The following LRRTM4 variants were observed in gnomAD, a reference collection of about 807,000 sequenced individuals.
The protein encoded by LRRTM4 is leucine rich repeat transmembrane neuronal 4, also known as leucine-rich repeat transmembrane neuronal protein 4.
LRRTM4 carries 25 observed loss-of-function variants against 47.6 expected under a neutral mutation model. That is an observed-to-expected ratio of 0.53 (90% CI 0.38 to 0.73). LRRTM4 has a LOEUF of 0.73. LRRTM4 is among the 30% of genes least tolerant of loss of function. The pLI is 0.00. For missense variants in LRRTM4, 638 were observed against 713.4 expected (o/e 0.89, Z 1.20); for synonymous variants, 311 against 269.5 (o/e 1.15, Z -1.51).
chr2:77,289,737 C>T (rs1392915223), intron 3 of LRRTM4, among the ~76,000 whole-genome samples: 1 of 151,874 alleles, frequency 6.6e-6, no homozygotes, highest in Non-Finnish European at 1.5e-5. Context: ...AAGATTTTTG[C>T]CAATTTAATT....
At position 77,400,463 on chromosome 2, in the gene LRRTM4, C is replaced by T. The variant is rs1481534414; in HGVS notation, c.1551+117855G>A. 2.6e-5 allele frequency among the ~76,000 whole-genome samples: 4 copies of T among 151,802 alleles called. No homozygotes were observed. In the East Asian group the frequency reaches 7.8e-4, roughly 29 times the overall value. Reference sequence around the variant, plus strand: ...AAAACCTTCTACCACCTCTATAACACGGTCTGAGTTCAATACCCAAAGTAT... The same window carrying T: ...AAAACCTTCTACCACCTCTATAACATGGTCTGAGTTCAATACCCAAAGTAT... On this transcript the variant is annotated intron_variant, in intron 3 of 3. Transcript: ENST00000409884.
intron 3 of LRRTM4, among the ~76,000 whole-genome samples, chr2:76,956,334 T>G (rs60837510): frequency 6.6e-6 from 1 of 151,582 alleles, no homozygotes; most frequent in African/African-American, 2.4e-5. Flanking sequence ...TAAACACATT[T>G]GGATAACTAA....
intron 3 of LRRTM4, among the ~76,000 whole-genome samples, chr2:77,368,092 T>C (rs1672526434): frequency 6.6e-6 from 1 of 151,786 alleles, no homozygotes; most frequent in African/African-American, 2.4e-5. Flanking sequence ...ATTTGCCTTC[T>C]AATCTGTATG....
chr2:76,761,688 T>C (rs1673260160), intron 3 of LRRTM4, among the ~76,000 whole-genome samples: 1 of 152,202 alleles, frequency 6.6e-6, no homozygotes, highest in African/African-American at 2.4e-5. Flanking sequence ...TTTTATCTAC[T>C]TAAAAGCTAA....
chr2:76,839,090 C>T (rs1394071701), intron 3 of LRRTM4, among the ~76,000 whole-genome samples: 1 of 152,030 alleles, frequency 6.6e-6, no homozygotes. Flanking sequence ...GTTTTTGTAG[C>T]ATTTCTCCCA....
intron 3 of LRRTM4, among the ~76,000 whole-genome samples, chr2:76,879,619 C>A (rs1672872771): frequency 6.6e-6 from 1 of 152,162 alleles, no homozygotes; most frequent in Admixed American, 6.5e-5. Context: ...TGCCTGTTAA[C>A]TCAGTATCCT....
At position 77,522,210 on chromosome 2, in the gene LRRTM4, G is replaced by C; in HGVS notation, c.-249C>G. Reference sequence around the variant, plus strand: ...CAAGTAGGCCTCCTGTGCTGTATGAGACCCCAGTTTAAAAGCTATGCAGGC... The same window carrying C: ...CAAGTAGGCCTCCTGTGCTGTATGACACCCCAGTTTAAAAGCTATGCAGGC... On this transcript the variant is annotated 5_prime_UTR_variant, in exon 1 of 4. Transcript: ENST00000409884. The C allele has an allele frequency of 1.4e-6, 1 of 695,798 alleles. No homozygotes were observed. The highest frequency in any genetic ancestry group is 1.5e-5 in the South Asian group (1 of 65,344). The allele number at this position is 695,798 out of a possible 1,614,324, so 43.1% of individuals were successfully genotyped here.
At chr2:76,922,967 G>C (rs1418159259) in intron 3 of LRRTM4, among the ~76,000 whole-genome samples, 1 of 151,804 alleles carries the variant, frequency 6.6e-6, no homozygotes, top group Non-Finnish European at 1.5e-5. Flanking sequence ...AAAATTACTT[G>C]GTACTATTAA....
intron 3 of LRRTM4, among the ~76,000 whole-genome samples, chr2:76,845,353 A>G (rs1020702799): frequency 5.3e-5 from 8 of 152,112 alleles, no homozygotes; most frequent in Admixed American, 6.6e-5. Flanking sequence ...TTAGCCAGGC[A>G]TGGTGGGGAG....
At chr2:77,477,109 CAA>C (rs750326551) in intron 3 of LRRTM4, among the ~76,000 whole-genome samples, 32 of 151,622 alleles carry the variant, frequency 2.1e-4, no homozygotes, top group Non-Finnish European at 3.8e-4. Flanking sequence ...AGCAAGAGGA[CAA>C]GAGAGAGATA....
chr2:76,828,833 T>C (rs1387106621), intron 3 of LRRTM4, among the ~76,000 whole-genome samples: 2 of 151,968 alleles, frequency 1.3e-5, no homozygotes, highest in African/African-American at 4.8e-5. Context: ...AATCCACCTT[T>C]ACAGTCTTCT....
intron 3 of LRRTM4, among the ~76,000 whole-genome samples, chr2:77,091,176 T>G (rs1434096484): frequency 6.6e-6 from 1 of 151,818 alleles, no homozygotes; most frequent in Non-Finnish European, 1.5e-5. Flanking sequence ...TGACTATTCC[T>G]GGACTACAGC....
chr2:77,096,587 T>C (rs6746253), intron 3 of LRRTM4, among the ~76,000 whole-genome samples: 60,066 of 151,284 alleles, frequency 0.4, 13,768 homozygotes, highest in East Asian at 0.7. Flanking sequence ...GATTATGACA[T>C]GATATAAAAG....
intron 3 of LRRTM4, among the ~76,000 whole-genome samples, chr2:77,227,279 T>G (rs552918386): frequency 2.0e-5 from 3 of 152,154 alleles, no homozygotes; most frequent in African/African-American, 7.2e-5. Context: ...ACACTCAATG[T>G]TTATTTTATT....
intron 3 of LRRTM4, among the ~76,000 whole-genome samples, chr2:76,974,896 T>C (rs1187678582): frequency 6.6e-6 from 1 of 151,748 alleles, no homozygotes; most frequent in African/African-American, 2.4e-5. Context: ...ACAGTAATCA[T>C]CTTGGCATGT....
At chr2:77,012,769 C>T (rs1677921488) in intron 3 of LRRTM4, among the ~76,000 whole-genome samples, 1 of 152,090 alleles carries the variant, frequency 6.6e-6, no homozygotes, top group African/African-American at 2.4e-5. Flanking sequence ...CACAATATAA[C>T]TGAAATAAGG....
chr2:77,344,363 A>G (rs1671484574), intron 3 of LRRTM4, among the ~76,000 whole-genome samples: 3 of 151,852 alleles, frequency 2.0e-5, no homozygotes, highest in Admixed American at 2.0e-4. Flanking sequence ...AGCAAGTTCA[A>G]GCAGAAAATA....
rs575603922 is a variant in LRRTM4, at chr2:77,164,439, C to T, written c.1551+353879G>A. ...AACAAGGATACCCAGGAATTGAATTCAGCTCTGCACCAAGCAGACCTAATA... is the reference window on the plus strand; with the variant it reads ...AACAAGGATACCCAGGAATTGAATTTAGCTCTGCACCAAGCAGACCTAATA... On this transcript the variant is annotated intron_variant, in intron 3 of 3. Coordinates refer to ENST00000409884, the MANE Select transcript of LRRTM4 (RefSeq NM_001134745.3). Among the ~76,000 whole-genome samples the T allele has an allele frequency of 4.6e-5, 7 of 152,302 alleles. No individual in the cohort carries two copies. In the South Asian group the frequency reaches 1.0e-3, roughly 23 times the overall value.
chr2:77,127,653 A>G (rs1045351686), intron 3 of LRRTM4, among the ~76,000 whole-genome samples: 1 of 152,182 alleles, frequency 6.6e-6, no homozygotes, highest in Non-Finnish European at 1.5e-5. Flanking sequence ...CTGTTTTGAA[A>G]GAAATATTAT....
Sources: allele counts gnomAD v4.1 joint callset (sites outside exome capture counted in the v4.1 genomes callset), GRCh38; gene constraint gnomAD v4.1.1; transcripts MANE v1.5; gene names NCBI Gene and HGNC (gene_info 2026-07-23, HGNC 2026-07-21).